Variants in SETBP1 observed in about 807,000 individuals in gnomAD.
SETBP1 encodes the protein SET-binding protein.
In SETBP1, 9 loss-of-function variants were observed where a neutral mutation model predicts 101.0. That is an observed-to-expected ratio of 0.09 (90% CI 0.05 to 0.16). The LOEUF is 0.16. SETBP1 is among the 10% of genes least tolerant of loss of function. The pLI is 1.00. For synonymous variants in SETBP1, 818 were observed against 788.5 expected (o/e 1.04, Z -0.63); for missense variants, 1,858 against 2,033.8 (o/e 0.91, Z 1.66).
At chr18:45,046,772 G>C (rs2073621764) in intron 5 of SETBP1, among the ~76,000 whole-genome samples, 1 of 152,100 alleles carries the variant, frequency 6.6e-6, no homozygotes, top group Non-Finnish European at 1.5e-5. Context: ...ATAAGTATTG[G>C]GCATCTCAAT....
chr18:44,927,961 A>G lies in SETBP1; in HGVS notation c.541-21920A>G, dbSNP rs546680223. On this transcript the variant is annotated intron_variant, in intron 3 of 5. Coordinates refer to ENST00000649279, the MANE Select transcript of SETBP1 (RefSeq NM_015559.3). ...TATATATAATTATACTTTAAGTTCT[A>G]GGGTACATATGCACAATGTGCAGCT... is the stretch of plus-strand genomic sequence containing the variant. Among the ~76,000 whole-genome samples the G allele has an allele frequency of 1.3e-4, 20 of 152,308 alleles. 1 individual carries two copies. Among genetic ancestry groups the G allele is most frequent in the Middle Eastern group, 3.4e-3 (1 of 294 alleles).
rs1322832853 is a variant in SETBP1 at position 44,683,087 on chromosome 18, C to T, written c.-173+2066C>T. Among the ~76,000 whole-genome samples the T allele has an allele frequency of 2.6e-5, 4 of 152,164 alleles. No homozygotes were observed. In the East Asian group the frequency reaches 7.7e-4, roughly 29 times the overall value. ...GTAGTGTCGGTTAAGAAGGGGGCCA[C>T]TTCTAGCTTGGGAGAAAATATCAAC... On this transcript the variant is annotated intron_variant, in intron 1 of 5. Coordinates refer to ENST00000649279, the MANE Select transcript of SETBP1 (RefSeq NM_015559.3).
At chr18:44,941,650 G>A (rs1255618394) in intron 3 of SETBP1, among the ~76,000 whole-genome samples, 1 of 151,628 alleles carries the variant, frequency 6.6e-6, no homozygotes, top group Admixed American at 6.6e-5. Context: ...ATTAATTCTT[G>A]TTATTATTTT....
chr18:44,783,308 GTT>G (rs2071172884), intron 2 of SETBP1, among the ~76,000 whole-genome samples: 1 of 152,170 alleles, frequency 6.6e-6, no homozygotes, highest in Non-Finnish European at 1.5e-5. Context: ...GCCACAGCTT[GTT>G]TTTAGCAGAA....
At chr18:44,774,827 C>A (rs1212385305) in intron 2 of SETBP1, among the ~76,000 whole-genome samples, 2 of 152,096 alleles carry the variant, frequency 1.3e-5, no homozygotes, top group Non-Finnish European at 2.9e-5. Flanking sequence ...AATGACTGTA[C>A]CCTCTCAATT....
chr18:44,687,045 G>C (rs1456381685), intron 1 of SETBP1, among the ~76,000 whole-genome samples: 2 of 152,142 alleles, frequency 1.3e-5, no homozygotes, highest in African/African-American at 2.4e-5. Context: ...CTTTGTTGCT[G>C]AAGTCCAAGT....
At chr18:44,703,868 A>T (rs942350569) in intron 2 of SETBP1, among the ~76,000 whole-genome samples, 1 of 152,198 alleles carries the variant, frequency 6.6e-6, no homozygotes, top group African/African-American at 2.4e-5. Context: ...GAGGCTTTGC[A>T]TTGGAGTTGG....
chr18:44,797,014 C>T (rs1568150278), intron 2 of SETBP1, among the ~76,000 whole-genome samples: 1 of 152,132 alleles, frequency 6.6e-6, no homozygotes, highest in Non-Finnish European at 1.5e-5. Flanking sequence ...CAATATTGTT[C>T]TCTGAACTTG....
At chr18:44,832,832 A>T (rs1450631413) in intron 2 of SETBP1, among the ~76,000 whole-genome samples, 1 of 152,224 alleles carries the variant, frequency 6.6e-6, no homozygotes, top group Non-Finnish European at 1.5e-5. Flanking sequence ...CACAAAATGC[A>T]TGCTGTTCTG....
chr18:44,701,338 G>A lies in SETBP1; in HGVS notation c.-9G>A. ...CTCCTGAGAACTCCGGAAGACTGTA[G>A]AGATTGTCATGGAGTCCAGGGAAAC... On this transcript the variant is annotated 5_prime_UTR_variant, in exon 2 of 6. Transcript: ENST00000649279. 1 of 1,481,476 alleles carries A rather than the reference G, an allele frequency of 6.8e-7. No individual in the cohort carries two copies. Among genetic ancestry groups the A allele is most frequent in the Middle Eastern group, 1.8e-4 (1 of 5,622 alleles). The allele number at this position is 1,481,476 out of a possible 1,614,324, so 91.8% of individuals were successfully genotyped here.
At chr18:45,016,190 G>A (rs917383158) in intron 4 of SETBP1, among the ~76,000 whole-genome samples, 4 of 152,172 alleles carry the variant, frequency 2.6e-5, no homozygotes, top group Non-Finnish European at 4.4e-5. Context: ...GTGAGGGTGG[G>A]GGAGGTTTTC....
At chr18:44,865,380 C>G (rs866386530) in intron 2 of SETBP1, among the ~76,000 whole-genome samples, 2 of 152,164 alleles carry the variant, frequency 1.3e-5, no homozygotes, top group African/African-American at 2.4e-5. Context: ...TTTTCTCACC[C>G]CAGTTTCCCA....
intron 2 of SETBP1, among the ~76,000 whole-genome samples, chr18:44,863,424 G>GC (rs749435981): frequency 2.3e-4 from 35 of 152,188 alleles, no homozygotes; most frequent in Non-Finnish European, 4.4e-4. Flanking sequence ...ATCTCAAGCA[G>GC]CCCCCTGCAC....
At chr18:44,905,267 C>A (rs958779834) in intron 3 of SETBP1, among the ~76,000 whole-genome samples, 1 of 152,114 alleles carries the variant, frequency 6.6e-6, no homozygotes, top group Non-Finnish European at 1.5e-5. Flanking sequence ...AGATGACTAG[C>A]ATTGGAGATG....
At position 44,701,708 on chromosome 18, in the gene SETBP1, A is replaced by C. The variant is rs1568097742; in HGVS notation, c.362A>C (p.Glu121Ala). 1 of 1,614,220 alleles carries C rather than the reference A, an allele frequency of 6.2e-7. No individual in the cohort carries two copies. Among genetic ancestry groups the C allele is most frequent in the Admixed American group, 1.7e-5 (1 of 60,030 alleles). ...KRAKKPPKNL[E>A]NYICPPEIKI... ...GCTAAGAAACCCCCAAAGAATTTGG[A>C]GAACTATATATGTCCACCTGAGATC... is the stretch of plus-strand genomic sequence containing the variant. The change falls in exon 2 of 6, where the codon GAG (glutamate) becomes GCG (alanine). Residue 121 changes from glutamate (E) to alanine (A), a missense_variant. Coordinates refer to ENST00000649279, the MANE Select transcript of SETBP1 (RefSeq NM_015559.3).
chr18:44,837,324 C>T (rs979771103), intron 2 of SETBP1, among the ~76,000 whole-genome samples: 3 of 152,220 alleles, frequency 2.0e-5, no homozygotes, highest in Non-Finnish European at 2.9e-5. Flanking sequence ...CCTGTATCAA[C>T]ACTCAATTAT....
intron 2 of SETBP1, among the ~76,000 whole-genome samples, chr18:44,829,732 G>A (rs970872716): frequency 3.9e-5 from 6 of 152,162 alleles, no homozygotes; most frequent in African/African-American, 9.7e-5. Context: ...GGGGCAAAGC[G>A]GTCAGTTGAT....
At chr18:44,688,108 C>T (rs1454426041) in intron 1 of SETBP1, among the ~76,000 whole-genome samples, 1 of 152,076 alleles carries the variant, frequency 6.6e-6, no homozygotes, top group Non-Finnish European at 1.5e-5. Context: ...GAAGAGGAAG[C>T]CTCTTTAAGC....
intron 2 of SETBP1, among the ~76,000 whole-genome samples, chr18:44,812,962 A>G (rs1347868384): frequency 6.6e-6 from 1 of 152,186 alleles, no homozygotes; most frequent in Non-Finnish European, 1.5e-5. Flanking sequence ...GCCATGGGTG[A>G]CATCAGAGGT....
Sources: gnomAD v4.1 joint callset for allele counts (sites outside exome capture counted in the v4.1 genomes callset) on GRCh38, gnomAD v4.1.1 for gene constraint, MANE v1.5 for transcripts, NCBI Gene and HGNC (gene_info 2026-07-23, HGNC 2026-07-21) for gene names.